The following PTGES3L variants were observed in gnomAD, a reference collection of about 807,000 sequenced individuals.
The protein encoded by PTGES3L is prostaglandin E synthase 3 like, also known as putative protein PTGES3L.
A neutral mutation model predicts 25.0 loss-of-function variants in PTGES3L; 17 were observed. The ratio of observed to expected loss-of-function variants is 0.68; its 90% CI spans 0.47 to 1.02. The LOEUF (loss-of-function observed/expected upper bound fraction) is 1.02, where lower values mean the gene tolerates loss of function less well. PTGES3L is among the 50% of genes least tolerant of loss of function. The pLI is 0.00. For missense variants in PTGES3L, 202 were observed against 197.5 expected (o/e 1.02, Z -0.14); for synonymous variants, 59 against 65.7 (o/e 0.90, Z 0.50).
At chr17:42,977,198 A>G (rs1049408938) in intron 4 of PTGES3L, among the ~76,000 whole-genome samples, 2 of 151,848 alleles carry the variant, frequency 1.3e-5, no homozygotes, top group African/African-American at 4.8e-5. Flanking sequence ...GGCCGAGGCG[A>G]GCAGATCACC....
At chr17:42,974,298 T>C (rs1159364824) in intron 4 of PTGES3L, among the ~76,000 whole-genome samples, 2 of 145,804 alleles carry the variant, frequency 1.4e-5, no homozygotes, top group Non-Finnish European at 3.0e-5. Flanking sequence ...AGGTGGAAGC[T>C]GCAGTAAGCT....
At chr17:42,973,190 T>TG (rs1216815498) in intron 4 of PTGES3L, among the ~76,000 whole-genome samples, 403 of 28,736 alleles carry the variant, frequency 0.014, no homozygotes, top group Middle Eastern at 0.071. Context: ...GGGAGGGAGG[T>TG]GGGGGGGGGT....
chr17:42,971,872 T>A (rs1452397802), intron 4 of PTGES3L, 176 bp from the exon 5 acceptor site: 1 of 590,238 alleles, frequency 1.7e-6, no homozygotes, highest in Non-Finnish European at 3.0e-6. Flanking sequence ...AAGCTAGGCA[T>A]GATAGAGTCT....
At position 42,969,192 on chromosome 17, in the gene PTGES3L, G is replaced by T. The variant is rs202188766; in HGVS notation, c.433-6C>A. ...TCAGCACTGTCAGAATCATCCTGGGGGCGGGGGGGAAAAAAGACAAAGCAC... is the reference window on the plus strand; with the variant it reads ...TCAGCACTGTCAGAATCATCCTGGGTGCGGGGGGGAAAAAAGACAAAGCAC... On this transcript the variant is annotated splice_polypyrimidine_tract_variant and splice_region_variant and intron_variant, in intron 6 of 6. Coordinates refer to ENST00000591916, the MANE Select transcript of PTGES3L (RefSeq NM_001261430.2). 1.3e-4 allele frequency: 103 copies of T among 772,430 alleles called. 2 individuals are homozygous for T. The highest frequency in any genetic ancestry group is 4.8e-4 in the South Asian group (19 of 39,350). 47.8% of individuals were successfully genotyped at this position (772,430 alleles called of 1,614,324 possible). A position where few individuals can be genotyped will look rare whatever the true frequency, so the allele number is the denominator to read the frequency against.
chr17:42,970,134 C>A (rs1253919602), intron 6 of PTGES3L, among the ~76,000 whole-genome samples, 155 bp downstream of exon 6: 1 of 151,894 alleles, frequency 6.6e-6, no homozygotes, highest in Admixed American at 6.6e-5. Flanking sequence ...CCCCACCCCC[C>A]AAAAAAAGAA....
intron 4 of PTGES3L, among the ~76,000 whole-genome samples, chr17:42,977,844 C>T (rs555632695): frequency 1.4e-3 from 220 of 151,886 alleles, no homozygotes; most frequent in Non-Finnish European, 2.9e-3. Context: ...TTTAGGAGGC[C>T]GATGCAGGTG....
At chr17:42,970,676 G>GCGCGCACACACACACACACACA (rs1490786473) in intron 5 of PTGES3L, among the ~76,000 whole-genome samples, 8 of 144,092 alleles carry the variant, frequency 5.6e-5, no homozygotes, top group African/African-American at 1.9e-4. Context: ...CTTAACACGC[G>GCGCGCACACACACACACACACA]CACACACACA....
intron 4 of PTGES3L, among the ~76,000 whole-genome samples, chr17:42,973,275 C>T (rs1174957523): frequency 4.1e-5 from 6 of 145,668 alleles, no homozygotes; most frequent in South Asian, 2.2e-4. Context: ...CCAGCCGCCC[C>T]GTCCGGGAGG....
intron 4 of PTGES3L, among the ~76,000 whole-genome samples, chr17:42,976,665 C>T (rs2049960517): frequency 6.6e-6 from 1 of 152,182 alleles, no homozygotes; most frequent in Non-Finnish European, 1.5e-5. Flanking sequence ...CAGGCGTGAG[C>T]CACCACACCC....
In PTGES3L at chr17:42,968,284, A is replaced by G. The variant is rs2049769291; in HGVS notation, c.*864T>C. On this transcript the variant is annotated 3_prime_UTR_variant, in exon 7 of 7. Transcript: ENST00000591916. ...GGTGGCTCATACATGTAATCCTAGC[A>G]CTTTGGGAGGCTGAGGTGGGTGGAT... 2 of 151,876 alleles carry G rather than the reference A, an allele frequency of 1.3e-5. No homozygotes were observed. Among genetic ancestry groups the G allele is most frequent in the South Asian group, 4.2e-4 (2 of 4,812 alleles). 9.4% of individuals were successfully genotyped at this position (151,876 alleles called of 1,614,324 possible).
chr17:42,979,120 G>A, intron 4 of PTGES3L, 50 bp downstream of exon 4: 1 of 1,594,140 alleles, frequency 6.3e-7, no homozygotes, highest in South Asian at 1.1e-5. Flanking sequence ...AATCCCAGCT[G>A]TAACCTGGGT....
rs748620609 is a variant in PTGES3L, at chr17:42,979,193, G to C, written c.265C>G (p.Arg89Gly). Reference protein sequence around the residue: ...RKWKEKVAWPRLTKEDIKPVW... With the variant: ...RKWKEKVAWPGLTKEDIKPVW... ...ACCTTGATATCCTCCTTGGTAAGCCGCGGCCAGGCCACCTTTTCCTTCCAT... is the reference window on the plus strand; with the variant it reads ...ACCTTGATATCCTCCTTGGTAAGCCCCGGCCAGGCCACCTTTTCCTTCCAT... Residue 89 changes from arginine (R) to glycine (G), a missense_variant, in exon 4 of 7, where the codon CGG (arginine) becomes GGG (glycine). Physicochemically the swap from Arg to Gly is moderately radical, Grantham distance 125. Transcript: ENST00000591916. 6.2e-7 allele frequency: 1 copy of C among 1,614,086 alleles called. No individual in the cohort carries two copies. Among genetic ancestry groups the C allele is most frequent in the Admixed American group, 1.7e-5 (1 of 59,992 alleles).
intron 1 of PTGES3L, 172 bp from the exon 2 acceptor site, chr17:42,979,835 G>A (rs2050042127): frequency 9.8e-6 from 14 of 1,434,670 alleles, no homozygotes; most frequent in Non-Finnish European, 1.1e-5. Context: ...TGTGGTGAAT[G>A]TGAACCTGGG....
At chr17:42,978,796 T>C (rs917552246) in intron 4 of PTGES3L, among the ~76,000 whole-genome samples, 2 of 151,988 alleles carry the variant, frequency 1.3e-5, no homozygotes, top group African/African-American at 4.8e-5. Flanking sequence ...AAGTCGGGAG[T>C]TCGAGACCAG....
chr17:42,979,940 C>T (rs1266635781), intron 1 of PTGES3L, 106 bp downstream of exon 1: 2 of 1,456,518 alleles, frequency 1.4e-6, no homozygotes, highest in Non-Finnish European at 1.8e-6. Context: ...ACCAGGGGTC[C>T]GGGGCTCCCG....
intron 4 of PTGES3L, among the ~76,000 whole-genome samples, chr17:42,978,474 G>A (rs1299532946): frequency 2.0e-5 from 3 of 152,158 alleles, no homozygotes; most frequent in Non-Finnish European, 4.4e-5. Flanking sequence ...GAAAGACCAT[G>A]TTCATAGCAG....
chr17:42,979,001 A>T (rs986768260), intron 4 of PTGES3L, among the ~76,000 whole-genome samples, 169 bp downstream of exon 4: 2 of 152,172 alleles, frequency 1.3e-5, no homozygotes, highest in Admixed American at 1.3e-4. Context: ...ACTCCGTCTC[A>T]AAATAAATAA....
In PTGES3L at chr17:42,979,371, C is replaced by G. The variant is rs764644505; in HGVS notation, c.189+7G>C. The G allele has an allele frequency of 6.2e-7, 1 of 1,614,014 alleles. No homozygotes were observed. Among genetic ancestry groups the G allele is most frequent in the African/African-American group, 1.3e-5 (1 of 74,892 alleles). ...ATCCAAACCTTACTGTCCCATTTCA[C>G]CCTTACCTTGGAGTTCACTTTGGCA... On this transcript the variant is annotated splice_region_variant and intron_variant, in intron 3 of 6. Transcript: ENST00000591916.
rs1255309736 is a variant in PTGES3L at position 42,970,319 on chromosome 17, C to A, written c.402G>T (p.Lys134Asn). ...YAELLKKVST[K>N]RPPPAMDDLD... ...AATCATCCATGGCAGGTGGAGGTCTCTTGGTGCTGACCTTCTTCAAAAGCT... is the reference window on the plus strand; with the variant it reads ...AATCATCCATGGCAGGTGGAGGTCTATTGGTGCTGACCTTCTTCAAAAGCT... Residue 134 changes from lysine (K) to asparagine (N), a missense_variant, in exon 6 of 7, where the codon AAG (lysine) becomes AAT (asparagine). Lys to Asn is a moderately conservative substitution (Grantham distance 94). Coordinates refer to ENST00000591916, the MANE Select transcript of PTGES3L (RefSeq NM_001261430.2). 6.2e-7 allele frequency: 1 copy of A among 1,613,930 alleles called. No homozygotes were observed. The highest frequency in any genetic ancestry group is 1.1e-5 in the South Asian group (1 of 91,078).
Sources: allele counts gnomAD v4.1 joint callset (sites outside exome capture counted in the v4.1 genomes callset), GRCh38; gene constraint gnomAD v4.1.1; transcripts MANE v1.5; gene names NCBI Gene and HGNC (gene_info 2026-07-23, HGNC 2026-07-21).